The following SYCP1 variants were observed in gnomAD, a reference collection of about 807,000 sequenced individuals.
SYCP1 encodes synaptonemal complex protein 1.
In SYCP1, 64 loss-of-function variants were observed where a neutral mutation model predicts 153.1. The observed-to-expected ratio is 0.42, with a 90% CI of 0.34 to 0.51. The LOEUF (loss-of-function observed/expected upper bound fraction) is 0.51, where lower values mean the gene tolerates loss of function less well. Ranked by LOEUF, SYCP1 falls within the 20% of genes least tolerant of loss-of-function variation. The pLI is 0.06. For synonymous variants in SYCP1, 384 were observed against 341.8 expected (o/e 1.12, Z -1.36); for missense variants, 997 against 1,049.0 (o/e 0.95, Z 0.68).
chr1:114,920,917 G>A (rs1161739284), intron 20 of SYCP1, among the ~76,000 whole-genome samples: 1 of 151,990 alleles, frequency 6.6e-6, no homozygotes, highest in African/African-American at 2.4e-5. Flanking sequence ...GTTGGGTCTT[G>A]TTTTTCTATC....
At chr1:114,898,058 A>G (rs537791789) in intron 16 of SYCP1, among the ~76,000 whole-genome samples, 1 of 152,300 alleles carries the variant, frequency 6.6e-6, no homozygotes, top group African/African-American at 2.4e-5. Flanking sequence ...GCTTGGCTTA[A>G]TTGGCAGGAA....
chr1:114,885,514 A>G (rs373312312), intron 12 of SYCP1, 21 bp from the exon 13 acceptor site: 2 of 1,392,466 alleles, frequency 1.4e-6, no homozygotes, highest in African/African-American at 1.5e-5. Flanking sequence ...AGTACTATCT[A>G]TTTATAACTT....
intron 12 of SYCP1, among the ~76,000 whole-genome samples, chr1:114,885,181 A>AT (rs1557770644): frequency 6.6e-6 from 1 of 152,108 alleles, no homozygotes; most frequent in Admixed American, 6.5e-5. Flanking sequence ...GAATATCCAA[A>AT]TTAATAATCA....
chr1:114,855,538 C>G lies in SYCP1; in HGVS notation c.74C>G (p.Pro25Arg), dbSNP rs1663877127. 1 of 1,609,290 alleles carries G rather than the reference C, an allele frequency of 6.2e-7. No homozygotes were observed. The highest frequency in any genetic ancestry group is 8.5e-7 in the Non-Finnish European group (1 of 1,177,408). ...AGCAGTCAGGTGTCTGCGGTGAAAC[C>G]TCAGACCCTGGGAGGCGATTCCACT... ...SSSSQVSAVKPQTLGGDSTFF... is the reference protein window; with the variant it reads ...SSSSQVSAVKRQTLGGDSTFF... Residue 25 changes from proline to arginine, a missense_variant, in exon 2 of 32, where the codon CCT becomes CGT. This residue lies in a region of SYCP1 where 285 missense variants were observed against 366.1 expected (regional missense o/e 0.78). Transcript: ENST00000369522.
At chr1:114,964,338 A>T (rs1225617026) in intron 27 of SYCP1, among the ~76,000 whole-genome samples, 1 of 152,120 alleles carries the variant, frequency 6.6e-6, no homozygotes, top group Non-Finnish European at 1.5e-5. Flanking sequence ...GTTCACTCTG[A>T]TGATAGTTTC....
chr1:114,988,257 G>A (rs929727279), intron 30 of SYCP1, among the ~76,000 whole-genome samples: 72 of 151,774 alleles, frequency 4.7e-4, no homozygotes, highest in African/African-American at 1.7e-3. Context: ...GAGGTGGAAA[G>A]AGTTATATGA....
At position 114,994,985 on chromosome 1, in the gene SYCP1, A is replaced by G. The variant is rs1165110435; in HGVS notation, c.2897A>G (p.Lys966Arg). 1.9e-6 allele frequency: 3 copies of G among 1,602,848 alleles called. No individual in the cohort carries two copies. Among genetic ancestry groups the G allele is most frequent in the African/African-American group, 2.7e-5 (2 of 74,028 alleles). ...WAVIAKMDRK[K>R]KLKEAEKLFV The stretch of plus-strand genomic sequence containing the variant: ...GTAATTGCTAAAATGGATAGAAAAA[A>G]AAAACTAAAAGAAGCTGAAAAGTTA... The change falls in exon 32 of 32, where the codon AAA (lysine) becomes AGA (arginine). Residue 966 changes from lysine to arginine, a missense_variant. Physicochemically the swap from Lys to Arg is conservative, Grantham distance 26. Around this residue, in one of 2 missense-constraint regions of SYCP1, gnomAD observed 712 missense variants for 682.9 expected, o/e 1.04. Transcript: ENST00000369522.
chr1:114,964,236 T>G (rs1205638183), intron 27 of SYCP1, among the ~76,000 whole-genome samples: 1 of 152,230 alleles, frequency 6.6e-6, no homozygotes, highest in African/African-American at 2.4e-5. Flanking sequence ...TATTTTCTTG[T>G]AAATTTGTTT....
chr1:114,947,602 A>G (rs1670793918), intron 27 of SYCP1, among the ~76,000 whole-genome samples: 1 of 151,800 alleles, frequency 6.6e-6, no homozygotes, highest in African/African-American at 2.4e-5. Flanking sequence ...TCATGAGGTC[A>G]GGAGATCGAG....
chr1:114,878,329 C>T (rs961943294), intron 12 of SYCP1, 127 bp downstream of exon 12: 3 of 627,276 alleles, frequency 4.8e-6, no homozygotes, highest in Admixed American at 3.3e-5. Context: ...TGAGTTGGTT[C>T]GGTTGGAGGA....
At chr1:114,977,396 A>G (rs1216648323) in intron 27 of SYCP1, among the ~76,000 whole-genome samples, 161 bp from the exon 28 acceptor site, 1 of 151,782 alleles carries the variant, frequency 6.6e-6, no homozygotes, top group Non-Finnish European at 1.5e-5. Context: ...ATACCTCTGT[A>G]GAAAGGAACT....
At chr1:114,987,125 C>T (rs757735405) in intron 30 of SYCP1, among the ~76,000 whole-genome samples, 3 of 151,394 alleles carry the variant, frequency 2.0e-5, no homozygotes, top group Non-Finnish European at 2.9e-5. Flanking sequence ...CTTTGGGAAG[C>T]CAGGCATTTA....
At chr1:114,888,404 A>G (rs1021228482) in intron 15 of SYCP1, among the ~76,000 whole-genome samples, 1 of 152,016 alleles carries the variant, frequency 6.6e-6, no homozygotes, top group Non-Finnish European at 1.5e-5. Context: ...TAGTTGTATA[A>G]TTAAAATAAT....
intron 8 of SYCP1, chr1:114,862,891 A>G (rs1357419372): frequency 6.6e-6 from 1 of 151,576 alleles, no homozygotes; most frequent in Non-Finnish European, 1.5e-5. Context: ...TCTTTTATTC[A>G]TTCATTCAAT....
At chr1:114,951,521 C>T (rs1311334140) in intron 27 of SYCP1, among the ~76,000 whole-genome samples, 1 of 152,066 alleles carries the variant, frequency 6.6e-6, no homozygotes, top group Non-Finnish European at 1.5e-5. Context: ...GTGAAGAAAA[C>T]AGACTGAAAA....
intron 15 of SYCP1, among the ~76,000 whole-genome samples, chr1:114,890,685 C>T (rs560771750): frequency 6.6e-6 from 1 of 152,264 alleles, no homozygotes; most frequent in East Asian, 1.9e-4. Flanking sequence ...AGGTACTCAA[C>T]TTCTTTGGGT....
chr1:114,888,411 T>A (rs1345877187), intron 15 of SYCP1, among the ~76,000 whole-genome samples: 1 of 152,024 alleles, frequency 6.6e-6, no homozygotes, highest in Admixed American at 6.6e-5. Context: ...ATAATTAAAA[T>A]AATTATCAAC....
chr1:114,883,285 A>C (rs1666077324), intron 12 of SYCP1, among the ~76,000 whole-genome samples: 1 of 152,146 alleles, frequency 6.6e-6, no homozygotes, highest in African/African-American at 2.4e-5. Context: ...ATTTACTGAT[A>C]TCTTCCTTTA....
intron 17 of SYCP1, among the ~76,000 whole-genome samples, chr1:114,910,945 T>C (rs1668135559): frequency 6.6e-6 from 1 of 152,104 alleles, no homozygotes; most frequent in Non-Finnish European, 1.5e-5. Context: ...TCTTAATTGG[T>C]ACATTTGAAA....
Sources: allele counts gnomAD v4.1 joint callset (sites outside exome capture counted in the v4.1 genomes callset), GRCh38; gene constraint gnomAD v4.1.1; regional missense constraint gnomAD v4.1.1; transcripts MANE v1.5; gene names NCBI Gene and HGNC (gene_info 2026-07-23, HGNC 2026-07-21).